DTX4: variants seen among roughly 807,000 people sequenced by gnomAD.
DTX4 encodes E3 ubiquitin-protein ligase DTX4.
A neutral mutation model predicts 57.6 loss-of-function variants in DTX4; 28 were observed. That is an observed-to-expected ratio of 0.49 (90% CI 0.36 to 0.67). The LOEUF (loss-of-function observed/expected upper bound fraction) is 0.67. Among genes scored for constraint, DTX4 ranks in the 30% least tolerant of loss-of-function variants. The probability of loss-of-function intolerance (pLI) is 0.00; values close to 1 mark genes in which losing one functional copy is unlikely to be tolerated. For missense variants in DTX4, 715 were observed against 836.8 expected, an observed-to-expected ratio of 0.85 and a Z score of 1.80; for synonymous variants, 316 against 331.0, an observed-to-expected ratio of 0.95 and a Z score of 0.49.
chr11:59,172,143 G>T lies in DTX4; in HGVS notation c.-453G>T, dbSNP rs1443653876. Among the ~76,000 whole-genome samples, 1 of 152,048 alleles carries T rather than the reference G, an allele frequency of 6.6e-6. No individual in the cohort carries two copies. The highest frequency in any genetic ancestry group is 2.4e-5 in the African/African-American group (1 of 41,420). On this transcript the variant is annotated 5_prime_UTR_variant, in exon 1 of 9. Coordinates refer to ENST00000227451, the MANE Select transcript of DTX4 (RefSeq NM_015177.2). ...GACCAGAGCGTGCCATTCCGAGCGCGGCCGTGCGGCGAGATCCCACCCCGG... is the reference window on the plus strand; with the variant it reads ...GACCAGAGCGTGCCATTCCGAGCGCTGCCGTGCGGCGAGATCCCACCCCGG...
At chr11:59,179,203 C>T (rs923805557) in intron 1 of DTX4, among the ~76,000 whole-genome samples, 3 of 152,140 alleles carry the variant, frequency 2.0e-5, no homozygotes, top group Non-Finnish European at 4.4e-5. Flanking sequence ...ATGAAATTTA[C>T]GTGGGATATG....
chr11:59,196,775 T>A (rs1257913382), intron 7 of DTX4, among the ~76,000 whole-genome samples: 2 of 152,048 alleles, frequency 1.3e-5, no homozygotes, highest in African/African-American at 2.4e-5. Context: ...TCTGTCACTG[T>A]CTCCCATCAT....
At chr11:59,171,662 C>A (rs1437642314), upstream of DTX4, among the ~76,000 whole-genome samples, 1 of 152,056 alleles carries the variant, frequency 6.6e-6, no homozygotes, top group African/African-American at 2.4e-5. Context: ...GCTTCCTTGA[C>A]GGACAGCTAA....
intron 2 of DTX4, among the ~76,000 whole-genome samples, chr11:59,183,101 G>A (rs1010073197): frequency 6.6e-6 from 1 of 152,212 alleles, no homozygotes; most frequent in African/African-American, 2.4e-5. Flanking sequence ...ATGTTCGCTT[G>A]TTCAAGGGTA....
upstream of DTX4, among the ~76,000 whole-genome samples, chr11:59,172,126 C>G (rs552891086): frequency 6.6e-6 from 1 of 152,070 alleles, no homozygotes; most frequent in African/African-American, 2.4e-5. Context: ...GGGACCAGAG[C>G]GTGCCATTCC....
In DTX4 at chr11:59,204,940, A is replaced by G. The variant is rs764031696; in HGVS notation, c.*31A>G. 12 of 1,538,184 alleles carry G rather than the reference A, an allele frequency of 7.8e-6. No individual in the cohort carries two copies. Among genetic ancestry groups the G allele is most frequent in the Admixed American group, 5.8e-5 (3 of 51,300 alleles). ...GAAAAGCTTTGAGGTGGGAGGGGCC[A>G]TGGAGACTGCAGGACAGGAAGTGAG... On this transcript the variant is annotated 3_prime_UTR_variant, in exon 9 of 9. Coordinates refer to ENST00000227451, the MANE Select transcript of DTX4 (RefSeq NM_015177.2).
At chr11:59,193,198 T>A (rs986498865) in intron 6 of DTX4, among the ~76,000 whole-genome samples, 6 of 152,200 alleles carry the variant, frequency 3.9e-5, no homozygotes, top group Non-Finnish European at 8.8e-5. Flanking sequence ...AATCCTGGCT[T>A]ATTAGCTGAA....
intron 2 of DTX4, among the ~76,000 whole-genome samples, chr11:59,184,156 G>A (rs576295078): frequency 2.8e-4 from 43 of 152,312 alleles, no homozygotes; most frequent in Admixed American, 1.8e-3. Flanking sequence ...CCTTGCTGCT[G>A]CTTAATTTCT....
At chr11:59,197,374 G>A (rs1003293677) in intron 7 of DTX4, among the ~76,000 whole-genome samples, 3 of 152,080 alleles carry the variant, frequency 2.0e-5, no homozygotes, top group Non-Finnish European at 2.9e-5. Flanking sequence ...AGTATCAAAG[G>A]GCAAGAAGGA....
In DTX4 at chr11:59,181,734, G is replaced by C. The variant is rs370029050; in HGVS notation, c.212-5G>C. 263 of 1,588,980 alleles carry C rather than the reference G, an allele frequency of 1.7e-4. No individual in the cohort carries two copies. Among genetic ancestry groups the C allele is most frequent in the Non-Finnish European group, 2.0e-4 (237 of 1,164,438 alleles). On this transcript the variant is annotated splice_region_variant and splice_polypyrimidine_tract_variant and intron_variant, in intron 1 of 8. Coordinates refer to ENST00000227451, the MANE Select transcript of DTX4 (RefSeq NM_015177.2). The stretch of plus-strand genomic sequence containing the variant: ...TCTGACCTCTCCCCTATCCCACCCT[G>C]GCAGGAACTCTCCGCCCAGTTCGCC...
rs1015794068 is a variant in DTX4 at position 59,205,055 on chromosome 11, C to A, written c.*146C>A. The A allele has an allele frequency of 3.0e-6, 2 of 668,648 alleles. No homozygotes were observed. Among genetic ancestry groups the A allele is most frequent in the African/African-American group, 3.6e-5 (2 of 55,314 alleles). 41.4% of individuals were successfully genotyped at this position (668,648 alleles called of 1,614,324 possible). A position where few individuals can be genotyped will look rare whatever the true frequency, so the allele number is the denominator to read the frequency against. ...CCCTGTGTCCATCCCTCATCCCTCC[C>A]AACCACAGTGGGAGCCAGACTGAAT... On this transcript the variant is annotated 3_prime_UTR_variant, in exon 9 of 9. Coordinates refer to ENST00000227451, the MANE Select transcript of DTX4 (RefSeq NM_015177.2).
intron 2 of DTX4, among the ~76,000 whole-genome samples, chr11:59,183,830 G>A (rs1399328243): frequency 6.6e-6 from 1 of 152,214 alleles, no homozygotes; most frequent in Non-Finnish European, 1.5e-5. Context: ...CCTACTGCAT[G>A]GAGTTATCGT....
At chr11:59,175,890 C>A (rs1311695030) in intron 1 of DTX4, among the ~76,000 whole-genome samples, 1 of 143,976 alleles carries the variant, frequency 6.9e-6, no homozygotes, top group Non-Finnish European at 1.5e-5. Context: ...AATGGTCAGG[C>A]CTCATTTTTT....
At chr11:59,195,652 C>T (rs188813246) in intron 7 of DTX4, among the ~76,000 whole-genome samples, 33 of 152,162 alleles carry the variant, frequency 2.2e-4, no homozygotes, top group Admixed American at 9.8e-4. Context: ...TGGCACCCTG[C>T]GCTTTTCAGT....
chr11:59,183,256 T>A (rs1327662111), intron 2 of DTX4, among the ~76,000 whole-genome samples: 1 of 152,132 alleles, frequency 6.6e-6, no homozygotes, highest in Non-Finnish European at 1.5e-5. Context: ...AGAGTTTCTT[T>A]CCCGTAGTCT....
At position 59,182,366 on chromosome 11, in the gene DTX4, C is replaced by A. The variant is rs533589791; in HGVS notation, c.839C>A (p.Pro280His). Reference sequence around the variant, plus strand: ...GGCTCTCCTGCCAGTCCCCCAGGACCCAACAGCAAGACCGGAAGGGTGGCC... The same window carrying A: ...GGCTCTCCTGCCAGTCCCCCAGGACACAACAGCAAGACCGGAAGGGTGGCC... Reference protein sequence around the residue: ...TMGSPASPPGPNSKTGRVALA... With the variant: ...TMGSPASPPGHNSKTGRVALA... Residue 280 changes from proline (P) to histidine (H), a missense_variant, in exon 2 of 9, where the codon CCC (proline) becomes CAC (histidine). Coordinates refer to ENST00000227451, the MANE Select transcript of DTX4 (RefSeq NM_015177.2). 2 of 1,613,668 alleles carry A rather than the reference C, an allele frequency of 1.2e-6. No homozygotes were observed. The highest frequency in any genetic ancestry group is 1.7e-6 in the Non-Finnish European group (2 of 1,179,880).
chr11:59,205,005 C>A lies in DTX4; in HGVS notation c.*96C>A. ...GTAGAAGAAGTTGGTGTCCTGCCCT[C>A]CCAACTTTCTATCCTCCCCTCCTGC... On this transcript the variant is annotated 3_prime_UTR_variant, in exon 9 of 9. Transcript: ENST00000227451. The A allele has an allele frequency of 9.0e-7, 1 of 1,114,830 alleles. No individual in the cohort carries two copies. The highest frequency in any genetic ancestry group is 2.1e-5 in the Admixed American group (1 of 47,672). 69.1% of individuals were successfully genotyped at this position (1,114,830 alleles called of 1,614,324 possible).
chr11:59,184,244 C>G (rs934098582), intron 2 of DTX4, among the ~76,000 whole-genome samples: 1 of 152,216 alleles, frequency 6.6e-6, no homozygotes, highest in Non-Finnish European at 1.5e-5. Context: ...GAGGGAGGCT[C>G]CTGTGCTGGG....
intron 1 of DTX4, among the ~76,000 whole-genome samples, chr11:59,174,730 A>G (rs1274909868): frequency 2.6e-5 from 4 of 152,194 alleles, no homozygotes; most frequent in African/African-American, 9.7e-5. Context: ...GAAAGAAGCT[A>G]CGTTTCCCAG....
Sources: allele counts gnomAD v4.1 joint callset (sites outside exome capture counted in the v4.1 genomes callset), GRCh38; gene constraint gnomAD v4.1.1; transcripts MANE v1.5; gene names NCBI Gene and HGNC (gene_info 2026-07-23, HGNC 2026-07-21).